The following STAC variants were observed in gnomAD, a reference collection of about 807,000 sequenced individuals.
STAC encodes SH3 and cysteine rich domain.
In STAC, 43 loss-of-function variants were observed where a neutral mutation model predicts 48.8. That is an observed-to-expected ratio of 0.88 (90% CI 0.69 to 1.14). The LOEUF is 1.14. Among genes scored for constraint, STAC ranks in the 50% most tolerant of loss-of-function variants. STAC has a pLI of 0.00. For missense variants in STAC, 497 were observed against 504.0 expected, an observed-to-expected ratio of 0.99 and a Z score of 0.13; for synonymous variants, 193 against 179.5, an observed-to-expected ratio of 1.07 and a Z score of -0.60.
chr3:36,439,226 G>A (rs1696248561), intron 1 of STAC, among the ~76,000 whole-genome samples: 1 of 152,196 alleles, frequency 6.6e-6, no homozygotes, highest in Admixed American at 6.5e-5. Flanking sequence ...CATTTCTCCA[G>A]GGGTAAAATT....
chr3:36,430,445 G>T (rs1054166210), intron 1 of STAC, among the ~76,000 whole-genome samples: 1 of 152,198 alleles, frequency 6.6e-6, no homozygotes, highest in African/African-American at 2.4e-5. Context: ...TCTGAGAGAA[G>T]ATGTCCCAGA....
chr3:36,515,278 A>T (rs1025841373), intron 8 of STAC, among the ~76,000 whole-genome samples: 1 of 152,108 alleles, frequency 6.6e-6, no homozygotes, highest in Non-Finnish European at 1.5e-5. Context: ...CCTTTACTGA[A>T]GCTCTCACAG....
At chr3:36,460,973 T>G (rs1428535507) in intron 2 of STAC, among the ~76,000 whole-genome samples, 2 of 152,192 alleles carry the variant, frequency 1.3e-5, no homozygotes. Context: ...TAAGAAAATA[T>G]GCTCACTATG....
At chr3:36,526,067 C>T (rs545632858) in intron 8 of STAC, among the ~76,000 whole-genome samples, 2 of 152,218 alleles carry the variant, frequency 1.3e-5, no homozygotes, top group South Asian at 4.2e-4. Flanking sequence ...GGAATTTCCT[C>T]GCAGACTACA....
At chr3:36,442,916 T>G (rs1696393422) in intron 1 of STAC, among the ~76,000 whole-genome samples, 1 of 152,182 alleles carries the variant, frequency 6.6e-6, no homozygotes, top group Non-Finnish European at 1.5e-5. Context: ...TCTTCTGCTT[T>G]GCTGTGTGCA....
intron 10 of STAC, among the ~76,000 whole-genome samples, chr3:36,534,710 CTTG>C (rs1306654929): frequency 1.3e-5 from 2 of 151,894 alleles, no homozygotes; most frequent in African/African-American, 4.8e-5. Context: ...CCTCCTCCTC[CTTG>C]TTGTTCTTCT....
At chr3:36,388,556 C>A (rs574345888) in intron 1 of STAC, among the ~76,000 whole-genome samples, 1 of 151,838 alleles carries the variant, frequency 6.6e-6, no homozygotes, top group Non-Finnish European at 1.5e-5. Context: ...ACTTCCCAAC[C>A]CTGAGAACAG....
Position 36,505,011 on chromosome 3 carries a change from T to C in STAC, c.831+554T>C, listed in dbSNP as rs553856228. ...TGTTTTTATAGCATTAACATTTATTTGGTTAGTAATAATAGCTAATATTTA... is the reference window on the plus strand; with the variant it reads ...TGTTTTTATAGCATTAACATTTATTCGGTTAGTAATAATAGCTAATATTTA... On this transcript the variant is annotated intron_variant, in intron 7 of 10. Transcript: ENST00000273183. Among the ~76,000 whole-genome samples, 3 of 152,264 alleles carry C rather than the reference T, an allele frequency of 2.0e-5. No individual in the cohort carries two copies. In the East Asian group the frequency reaches 5.8e-4, roughly 29 times the overall value.
intron 2 of STAC, among the ~76,000 whole-genome samples, chr3:36,481,757 G>A (rs942131852): frequency 6.6e-6 from 1 of 152,182 alleles, no homozygotes; most frequent in Non-Finnish European, 1.5e-5. Flanking sequence ...TCACACAGCT[G>A]TCTCCTCAGT....
intron 2 of STAC, among the ~76,000 whole-genome samples, chr3:36,474,804 TA>T (rs1553638341): frequency 2.6e-5 from 4 of 152,236 alleles, no homozygotes; most frequent in Non-Finnish European, 5.9e-5. Context: ...ATTTTAACTA[TA>T]AAAGGTAATG....
chr3:36,529,589 G>C (rs1699017898), intron 10 of STAC, among the ~76,000 whole-genome samples: 1 of 152,132 alleles, frequency 6.6e-6, no homozygotes, highest in South Asian at 2.1e-4. Context: ...CTTTGATGCT[G>C]TCAATTTTCC....
At chr3:36,438,442 A>G (rs764933112) in intron 1 of STAC, among the ~76,000 whole-genome samples, 2 of 152,210 alleles carry the variant, frequency 1.3e-5, no homozygotes, top group Non-Finnish European at 2.9e-5. Context: ...AACATTTTGT[A>G]ACATCAGGGT....
Position 36,528,907 on chromosome 3 carries a change from A to C in STAC, c.1032A>C (p.Gln344His). The change falls in exon 10 of 11, where the codon CAA (glutamine) becomes CAC (histidine). Residue 344 changes from glutamine (Q) to histidine (H), a missense_variant. Coordinates refer to ENST00000273183, the MANE Select transcript of STAC (RefSeq NM_003149.3). ...CCAACTTTGTTCAGAGACTACAACAAAATGAGAAGATTTTTAGATGTGTTA... is the reference window on the plus strand; with the variant it reads ...CCAACTTTGTTCAGAGACTACAACACAATGAGAAGATTTTTAGATGTGTTA... ...FPANFVQRLQ[Q>H]NEKIFRCVRT... 1 of 1,613,850 alleles carries C rather than the reference A, an allele frequency of 6.2e-7. No individual in the cohort carries two copies. The highest frequency in any genetic ancestry group is 8.5e-7 in the Non-Finnish European group (1 of 1,179,876).
At chr3:36,540,000 G>A (rs1213450711) in intron 10 of STAC, among the ~76,000 whole-genome samples, 1 of 152,120 alleles carries the variant, frequency 6.6e-6, no homozygotes, top group African/African-American at 2.4e-5. Context: ...TTATCAGGGT[G>A]AGCCCAGTGT....
intron 2 of STAC, among the ~76,000 whole-genome samples, chr3:36,449,195 G>A (rs1266100604): frequency 6.6e-6 from 1 of 152,118 alleles, no homozygotes; most frequent in Non-Finnish European, 1.5e-5. Flanking sequence ...GGAAAATGCT[G>A]TCTAGCCTAC....
chr3:36,380,659 AG>A lies in STAC; in HGVS notation c.17del (p.Ser6ThrfsTer36). On this transcript the variant is annotated frameshift_variant, in exon 1 of 11. Coordinates refer to ENST00000273183, the MANE Select transcript of STAC (RefSeq NM_003149.3). LOFTEE classifies it high-confidence loss of function. MIPPS[S>X]PREDGVDGLP... is the part of the protein sequence containing the mutation. ...CGCGGCCACGATGATCCCTCCGAGC[AG>A]CCCCCGCGAGGACGGCGTGGACGGG... is the stretch of plus-strand genomic sequence containing the variant. The A allele has an allele frequency of 6.3e-7, 1 of 1,597,534 alleles. No homozygotes were observed. The highest frequency in any genetic ancestry group is 8.5e-7 in the Non-Finnish European group (1 of 1,172,384).
chr3:36,472,861 C>T (rs565471471), intron 2 of STAC, among the ~76,000 whole-genome samples: 78 of 152,322 alleles, frequency 5.1e-4, no homozygotes, highest in African/African-American at 1.8e-3. Flanking sequence ...TCTGAGCCCT[C>T]CAAACTGTTC....
At position 36,410,188 on chromosome 3, in the gene STAC, C is replaced by T. The variant is rs73059930; in HGVS notation, c.111+29434C>T. Among the ~76,000 whole-genome samples the T allele has an allele frequency of 5.9e-4, 89 of 152,102 alleles. 1 individual carries two copies. Among genetic ancestry groups the T allele is most frequent in the South Asian group, 2.5e-3 (12 of 4,814 alleles). On this transcript the variant is annotated intron_variant, in intron 1 of 10. Coordinates refer to ENST00000273183, the MANE Select transcript of STAC (RefSeq NM_003149.3). ...GAAGTGAGGGAATAAGAAAATGTAA[C>T]GCATTTTCTGTGTATTTGTGTACAT...
At chr3:36,449,208 C>G (rs1696613138) in intron 2 of STAC, among the ~76,000 whole-genome samples, 2 of 152,114 alleles carry the variant, frequency 1.3e-5, no homozygotes, top group South Asian at 2.1e-4. Context: ...TAGCCTACCC[C>G]CTTTGGATAT....
Sources: allele counts gnomAD v4.1 joint callset (sites outside exome capture counted in the v4.1 genomes callset), GRCh38; gene constraint gnomAD v4.1.1; transcripts MANE v1.5; gene names NCBI Gene and HGNC (gene_info 2026-07-23, HGNC 2026-07-21).